PCDH11X: variants seen among roughly 807,000 people sequenced by gnomAD.
PCDH11X encodes the protein protocadherin 11 X-linked, also known as protocadherin-11 X-linked.
A neutral mutation model predicts 53.3 loss-of-function variants in PCDH11X; 18 were observed. The ratio of observed to expected loss-of-function variants is 0.34; its 90% CI spans 0.23 to 0.50. PCDH11X has a LOEUF of 0.50. Among genes scored for constraint, PCDH11X ranks in the 20% least tolerant of loss-of-function variants. PCDH11X has a pLI of 0.98. For synonymous variants in PCDH11X, 279 were observed against 393.3 expected, an observed-to-expected ratio of 0.71 and a Z score of 3.44; for missense variants, 570 against 1,032.4, an observed-to-expected ratio of 0.55 and a Z score of 6.14.
chrX:92,220,564 G>A (rs1454046522), intron 7 of PCDH11X, among the ~76,000 whole-genome samples: 10 of 110,317 alleles, frequency 9.1e-5, no homozygotes, highest in Admixed American at 2.9e-4. Flanking sequence ...TGCTGGAGAG[G>A]ATGTGGAGAA....
intron 1 of PCDH11X, among the ~76,000 whole-genome samples, chrX:91,795,181 T>G (rs1025206029): frequency 8.9e-6 from 1 of 112,224 alleles, no homozygotes; most frequent in Non-Finnish European, 1.9e-5. Flanking sequence ...TAACTTGTGC[T>G]TTTTTGGAAG....
At chrX:91,908,660 T>C in intron 6 of PCDH11X, among the ~76,000 whole-genome samples, 1 of 108,348 alleles carries the variant, frequency 9.2e-6, no homozygotes, top group Admixed American at 1.0e-4. Context: ...ACAGATTAGC[T>C]GGGCATGGTG....
chrX:92,378,890 C>A (rs2070809360), intron 8 of PCDH11X, among the ~76,000 whole-genome samples: 2 of 113,338 alleles, frequency 1.8e-5, no homozygotes, highest in South Asian at 7.1e-4. Context: ...GTGACACAAA[C>A]ATTCACTCTA....
chrX:92,273,990 C>T (rs776353215), intron 8 of PCDH11X, among the ~76,000 whole-genome samples: 8 of 108,270 alleles, frequency 7.4e-5, no homozygotes, highest in South Asian at 8.3e-4. Flanking sequence ...CAGTGTAAAC[C>T]GGCAGTGTCA....
In PCDH11X at chrX:92,221,250, T is replaced by TG. The variant is rs2066868275; in HGVS notation, c.3114+19795_3114+19796insG. On this transcript the variant is annotated intron_variant, in intron 7 of 10. Coordinates refer to ENST00000682573, the MANE Select transcript of PCDH11X (RefSeq NM_032968.5). ...AATAAAAATGAAAAATTGCTCATTTTTTTTTTAAAAAAGAAAACATTGTAT... is the reference window on the plus strand; with the variant it reads ...AATAAAAATGAAAAATTGCTCATTTTGTTTTTTAAAAAAGAAAACATTGTAT... Among the ~76,000 whole-genome samples the TG allele has an allele frequency of 8.3e-5, 3 of 36,078 alleles. No homozygotes were observed. In the South Asian group the frequency reaches 5.9e-3, roughly 71 times the overall value. 31.3% of individuals were successfully genotyped at this position (36,078 alleles called of 115,157 possible).
intron 6 of PCDH11X, among the ~76,000 whole-genome samples, chrX:92,012,990 T>G (rs1355756387): frequency 9.0e-6 from 1 of 111,634 alleles, no homozygotes; most frequent in Non-Finnish European, 1.9e-5. Context: ...ATGCCCTCTC[T>G]CACCACTCCT....
At chrX:91,833,771 G>A (rs1173800777) in intron 4 of PCDH11X, among the ~76,000 whole-genome samples, 1 of 111,644 alleles carries the variant, frequency 9.0e-6, no homozygotes, top group African/African-American at 3.2e-5. Flanking sequence ...CATATGCATA[G>A]TTTAAAAAAT....
intron 6 of PCDH11X, among the ~76,000 whole-genome samples, chrX:92,115,495 A>C (rs2064619470): frequency 9.0e-6 from 1 of 110,608 alleles, no homozygotes; most frequent in South Asian, 3.9e-4. Flanking sequence ...GGAGTTTATT[A>C]AGGAGAACTG....
intron 9 of PCDH11X, among the ~76,000 whole-genome samples, chrX:92,392,770 C>G (rs2071158887): frequency 9.2e-6 from 1 of 108,541 alleles, no homozygotes; most frequent in Non-Finnish European, 1.9e-5. Context: ...AGTCAGTTGT[C>G]TAAAAGCAAA....
chrX:92,020,213 T>C lies in PCDH11X; in HGVS notation c.3033+140940T>C, dbSNP rs767152802. Reference sequence around the variant, plus strand: ...GCGCAGCCAGCATCACAGCTGCTGCTGTCTGCTGTCTAAGTCATTTGAGCT... The same window carrying C: ...GCGCAGCCAGCATCACAGCTGCTGCCGTCTGCTGTCTAAGTCATTTGAGCT... On this transcript the variant is annotated intron_variant, in intron 6 of 10. Transcript: ENST00000682573. Among the ~76,000 whole-genome samples the C allele has an allele frequency of 2.7e-5, 3 of 112,714 alleles. 1 individual carries two copies. The South Asian group carries it at 1.1e-3, about 41-fold the overall frequency.
In PCDH11X at chrX:92,621,947, A is replaced by G. The variant is rs754984653; in HGVS notation, c.*3007A>G. On this transcript the variant is annotated 3_prime_UTR_variant, in exon 11 of 11. Coordinates refer to ENST00000682573, the MANE Select transcript of PCDH11X (RefSeq NM_032968.5). ...TTAATTTTCTAGCTATGGTATTACT[A>G]TATCACACTTGTGAGTATGTATTCA... is the stretch of plus-strand genomic sequence containing the variant. 3.6e-3 allele frequency: 386 copies of G among 106,168 alleles called. 1 individual carries two copies. Among genetic ancestry groups the G allele is most frequent in the African/African-American group, 0.012 (363 of 29,090 alleles). 8.7% of individuals were successfully genotyped at this position (106,168 alleles called of 1,213,427 possible). A position where few individuals can be genotyped will look rare whatever the true frequency, so the allele number is the denominator to read the frequency against.
intron 6 of PCDH11X, among the ~76,000 whole-genome samples, chrX:91,960,326 T>TA (rs1408768112): frequency 9.0e-6 from 1 of 111,102 alleles, no homozygotes; most frequent in Non-Finnish European, 1.9e-5. Context: ...TTTGGTGTCA[T>TA]AAAAAAAATC....
At chrX:92,285,717 GC>G (rs1393502656) in intron 8 of PCDH11X, among the ~76,000 whole-genome samples, 4 of 111,009 alleles carry the variant, frequency 3.6e-5, no homozygotes, top group Admixed American at 1.9e-4. Flanking sequence ...ATTAAAGATT[GC>G]TGAGACCAGC....
At chrX:92,174,375 G>A (rs1280586051) in intron 6 of PCDH11X, among the ~76,000 whole-genome samples, 2 of 111,425 alleles carry the variant, frequency 1.8e-5, no homozygotes, top group Non-Finnish European at 3.8e-5. Context: ...CTCTTGGAAC[G>A]GAGGCTACCA....
intron 9 of PCDH11X, among the ~76,000 whole-genome samples, chrX:92,406,367 C>G (rs1222599666): frequency 1.9e-5 from 2 of 106,461 alleles, no homozygotes; most frequent in Non-Finnish European, 3.8e-5. Context: ...CTGTTCATAA[C>G]TACTTAGGTA....
chrX:91,963,592 C>A (rs970214656), intron 6 of PCDH11X, among the ~76,000 whole-genome samples: 1 of 111,415 alleles, frequency 9.0e-6, no homozygotes, highest in Non-Finnish European at 1.9e-5. Context: ...TCTGAGCCCT[C>A]CAAGCTTTTC....
chrX:92,122,726 C>T (rs1195592769), intron 6 of PCDH11X, among the ~76,000 whole-genome samples: 1 of 110,594 alleles, frequency 9.0e-6, no homozygotes, highest in East Asian at 2.9e-4. Context: ...CACCTGAGGT[C>T]GGGAGTTTGA....
chrX:91,829,284 T>C (rs951010338), intron 4 of PCDH11X, among the ~76,000 whole-genome samples: 1 of 109,301 alleles, frequency 9.1e-6, no homozygotes, highest in Middle Eastern at 4.3e-3. Flanking sequence ...CTCATAGATA[T>C]AATACTGTTT....
intron 6 of PCDH11X, among the ~76,000 whole-genome samples, chrX:91,950,290 C>T (rs1353600557): frequency 2.8e-5 from 3 of 105,651 alleles, no homozygotes; most frequent in East Asian, 3.0e-4. Flanking sequence ...TTTTTAATCC[C>T]TCATCTCCCT....
Sources: allele counts gnomAD v4.1 joint callset (sites outside exome capture counted in the v4.1 genomes callset), GRCh38; gene constraint gnomAD v4.1.1; transcripts MANE v1.5; gene names NCBI Gene and HGNC (gene_info 2026-07-23, HGNC 2026-07-21).